Variants in HELZ observed in about 807,000 individuals in gnomAD.
The protein encoded by HELZ is ATP-dependent RNA helicase with zinc finger domain.
HELZ carries 23 observed loss-of-function variants against 218.2 expected under a neutral mutation model. The ratio of observed to expected loss-of-function variants is 0.11; its 90% CI spans 0.08 to 0.15. The LOEUF (loss-of-function observed/expected upper bound fraction) is 0.15, where lower values mean the gene tolerates loss of function less well. HELZ is among the 10% of genes least tolerant of loss of function. The pLI is 1.00. For synonymous variants in HELZ, 814 were observed against 829.4 expected, an observed-to-expected ratio of 0.98 and a Z score of 0.32; for missense variants, 1,813 against 2,353.7, an observed-to-expected ratio of 0.77 and a Z score of 4.75.
In HELZ at chr17:67,078,433, C is replaced by T; in HGVS notation, c.5648G>A (p.Ser1883Asn). 1.3e-6 allele frequency: 2 copies of T among 1,595,726 alleles called. No individual in the cohort carries two copies. The highest frequency in any genetic ancestry group is 1.7e-6 in the Non-Finnish European group (2 of 1,173,550). The change falls in exon 33 of 33, where the codon AGC (serine) becomes AAC (asparagine). Residue 1883 changes from serine (S) to asparagine (N), a missense_variant. Transcript: ENST00000358691. ...CTTGCCCCCCGCAGAGCTCTGGGGG[C>T]TACTGCTATTGGCCGACTCCGCGAT... The part of the protein sequence containing the change: ...KQIAESANSS[S>N]PQSSAGGKPA...
At chr17:67,221,308 G>A (rs1397766161) in intron 3 of HELZ, among the ~76,000 whole-genome samples, 1 of 152,178 alleles carries the variant, frequency 6.6e-6, no homozygotes, top group Non-Finnish European at 1.5e-5. Flanking sequence ...AATGTCTGGA[G>A]AAGGCAAAAT....
At chr17:67,095,636 C>A (rs915805076) in intron 31 of HELZ, among the ~76,000 whole-genome samples, 1 of 152,172 alleles carries the variant, frequency 6.6e-6, no homozygotes. Flanking sequence ...ACTTCTAATT[C>A]TAGTTCTCTT....
chr17:67,232,839 A>G (rs2041072964), intron 3 of HELZ, among the ~76,000 whole-genome samples: 1 of 152,248 alleles, frequency 6.6e-6, no homozygotes, highest in South Asian at 2.1e-4. Context: ...TTAATTAAAA[A>G]ATAACCAGCC....
At chr17:67,205,116 C>A (rs2040262296) in intron 5 of HELZ, among the ~76,000 whole-genome samples, 1 of 152,110 alleles carries the variant, frequency 6.6e-6, no homozygotes, top group African/African-American at 2.4e-5. Context: ...CACCTGAGGT[C>A]AGGAGTTCAA....
At chr17:67,160,001 T>C (rs1162500033) in intron 17 of HELZ, among the ~76,000 whole-genome samples, 1 of 152,174 alleles carries the variant, frequency 6.6e-6, no homozygotes, top group Non-Finnish European at 1.5e-5. Flanking sequence ...TAGAGGTACA[T>C]ATCAAAATCT....
chr17:67,072,847 T>C lies in HELZ; in HGVS notation c.*5405A>G, dbSNP rs1358778673. The C allele has an allele frequency of 1.3e-5, 2 of 152,230 alleles. No individual in the cohort carries two copies. The highest frequency in any genetic ancestry group is 6.5e-5 in the Admixed American group (1 of 15,288). The allele number at this position is 152,230 out of a possible 1,614,324, so 9.4% of individuals were successfully genotyped here. ...CTGAAGGTCTCTGAGACTTTCAAAC[T>C]GCGAGAATCAGACCCAGTGATTTTC... On this transcript the variant is annotated 3_prime_UTR_variant, in exon 33 of 33. Transcript: ENST00000358691.
chr17:67,228,624 T>A (rs1289168284), intron 3 of HELZ, among the ~76,000 whole-genome samples: 1 of 150,396 alleles, frequency 6.6e-6, no homozygotes, highest in Non-Finnish European at 1.5e-5. Flanking sequence ...ATCACCCCAC[T>A]GAACTCCAGC....
At chr17:67,234,016 A>G (rs1389685289) in intron 3 of HELZ, among the ~76,000 whole-genome samples, 3 of 146,272 alleles carry the variant, frequency 2.1e-5, no homozygotes, top group African/African-American at 7.5e-5. Context: ...ATGGCACTCC[A>G]GCCTGGGCGA....
chr17:67,120,298 T>A, intron 27 of HELZ, 107 bp downstream of exon 27: 4 of 905,596 alleles, frequency 4.4e-6, no homozygotes, highest in Non-Finnish European at 7.0e-6. Flanking sequence ...AAGAGGTCTA[T>A]AATCCATGAA....
rs11408678 is a variant in HELZ at position 67,150,130 on chromosome 17, CTTTTTTTTTTTTTT to C, written c.2357-159_2357-146del. 1.7e-5 allele frequency: 3 copies of C among 178,764 alleles called. No individual in the cohort carries two copies. The South Asian group carries it at 1.7e-4, about 10-fold the overall frequency. The allele number at this position is 178,764 out of a possible 1,614,324, so 11.1% of individuals were successfully genotyped here. ...GTACTTTTATTTATTTATTTTCTTT[CTTTTTTTTTTTTTT>C]TTTTTTTTTGAGACAGGGTGTCACT... On this transcript the variant is annotated intron_variant, in intron 18 of 32. Coordinates refer to ENST00000358691, the MANE Select transcript of HELZ (RefSeq NM_014877.4).
At chr17:67,187,961 G>A (rs2039801341) in intron 12 of HELZ, among the ~76,000 whole-genome samples, 1 of 152,088 alleles carries the variant, frequency 6.6e-6, no homozygotes, top group Non-Finnish European at 1.5e-5. Context: ...AACATTGTAG[G>A]TATATACACA....
intron 17 of HELZ, among the ~76,000 whole-genome samples, chr17:67,152,257 A>T (rs1263831415): frequency 2.0e-5 from 3 of 152,206 alleles, no homozygotes; most frequent in Non-Finnish European, 4.4e-5. Flanking sequence ...GAACCTGAGA[A>T]GTCGTACACG....
At chr17:67,162,156 C>T (rs995411700) in intron 15 of HELZ, among the ~76,000 whole-genome samples, 2 of 152,060 alleles carry the variant, frequency 1.3e-5, no homozygotes, top group Non-Finnish European at 2.9e-5. Flanking sequence ...TGGCTCATGC[C>T]TATAATCCCA....
At chr17:67,192,271 T>C (rs752254687) in intron 9 of HELZ, among the ~76,000 whole-genome samples, 7 of 152,114 alleles carry the variant, frequency 4.6e-5, no homozygotes, top group Non-Finnish European at 8.8e-5. Context: ...AAGAGAGATG[T>C]TATATTACAG....
chr17:67,182,287 C>CA (rs927397281), intron 12 of HELZ, among the ~76,000 whole-genome samples: 21 of 150,506 alleles, frequency 1.4e-4, no homozygotes, highest in East Asian at 9.7e-4. Context: ...ACTAAAAATA[C>CA]AAAAAAAAAT....
At chr17:67,159,262 T>C (rs2038930320) in intron 17 of HELZ, among the ~76,000 whole-genome samples, 1 of 152,192 alleles carries the variant, frequency 6.6e-6, no homozygotes, top group South Asian at 2.1e-4. Flanking sequence ...TTTAAAATAA[T>C]TACTGCTTCT....
chr17:67,142,500 C>A (rs939706457), intron 21 of HELZ, among the ~76,000 whole-genome samples: 4 of 152,038 alleles, frequency 2.6e-5, no homozygotes, highest in African/African-American at 9.7e-5. Context: ...AGAGCAAGAC[C>A]CTGTCTCAAA....
chr17:67,123,458 T>C (rs2037682451), intron 25 of HELZ, among the ~76,000 whole-genome samples: 2 of 152,204 alleles, frequency 1.3e-5, no homozygotes, highest in South Asian at 4.1e-4. Context: ...CACACACTCC[T>C]AGTAAACAGT....
At position 67,150,088 on chromosome 17, in the gene HELZ, T is replaced by G. The variant is rs970967629; in HGVS notation, c.2357-103A>C. ...CTGCTAAGTAAAGAGTTTAGTTTGC[T>G]AATCTAAGAGTATTGAGTACTTTTA... is the stretch of plus-strand genomic sequence containing the variant. On this transcript the variant is annotated intron_variant, in intron 18 of 32. Transcript: ENST00000358691. The G allele has an allele frequency of 1.2e-5, 8 of 656,086 alleles. No homozygotes were observed. In the African/African-American group the frequency reaches 1.3e-4, roughly 11 times the overall value. 40.6% of individuals were successfully genotyped at this position (656,086 alleles called of 1,614,324 possible).
Sources: allele counts gnomAD v4.1 joint callset (sites outside exome capture counted in the v4.1 genomes callset), GRCh38; gene constraint gnomAD v4.1.1; transcripts MANE v1.5; gene names NCBI Gene and HGNC (gene_info 2026-07-23, HGNC 2026-07-21).